ZNF385B: variants seen among roughly 807,000 people sequenced by gnomAD.
The protein encoded by ZNF385B is zinc finger protein 385B.
ZNF385B carries 23 observed loss-of-function variants against 39.2 expected under a neutral mutation model. The observed-to-expected ratio is 0.59, with a 90% CI of 0.42 to 0.83. The LOEUF is 0.83. Among genes scored for constraint, ZNF385B ranks in the 40% least tolerant of loss-of-function variants. The pLI, the probability that ZNF385B is intolerant of heterozygous loss-of-function variation, is 0.00. For missense variants in ZNF385B, 552 were observed against 598.9 expected (o/e 0.92, Z 0.82); for synonymous variants, 205 against 222.6 (o/e 0.92, Z 0.70).
chr2:179,643,387 G>A (rs1692440060), intron 3 of ZNF385B, among the ~76,000 whole-genome samples: 1 of 152,104 alleles, frequency 6.6e-6, no homozygotes, highest in South Asian at 2.1e-4. Context: ...CATTCAAAAT[G>A]CAGACAGACC....
chr2:179,810,525 T>C (rs1482574001), intron 1 of ZNF385B, among the ~76,000 whole-genome samples: 1 of 151,980 alleles, frequency 6.6e-6, no homozygotes, highest in African/African-American at 2.4e-5. Flanking sequence ...AGTTGCCTTA[T>C]AATTTAAAGT....
intron 3 of ZNF385B, among the ~76,000 whole-genome samples, chr2:179,629,325 C>T (rs1201400734): frequency 6.6e-6 from 1 of 152,108 alleles, no homozygotes; most frequent in African/African-American, 2.4e-5. Flanking sequence ...GCAAATGTTG[C>T]CAATTTATTA....
intron 3 of ZNF385B, among the ~76,000 whole-genome samples, chr2:179,557,742 T>C (rs1438685651): frequency 6.6e-6 from 1 of 151,760 alleles, no homozygotes; most frequent in Non-Finnish European, 1.5e-5. Flanking sequence ...ATATTTTAGA[T>C]TCATAGGGTA....
chr2:179,752,236 C>G (rs1340580888), intron 3 of ZNF385B, among the ~76,000 whole-genome samples: 2 of 152,194 alleles, frequency 1.3e-5, no homozygotes, highest in East Asian at 1.9e-4. Flanking sequence ...TTTCCAGCTT[C>G]ATCCATGTCC....
At chr2:179,757,419 T>C (rs1426794358) in intron 3 of ZNF385B, among the ~76,000 whole-genome samples, 1 of 152,190 alleles carries the variant, frequency 6.6e-6, no homozygotes, top group Non-Finnish European at 1.5e-5. Context: ...AGGGACCCAC[T>C]TGAGGAGGCA....
At chr2:179,671,006 T>C (rs1279458555) in intron 3 of ZNF385B, among the ~76,000 whole-genome samples, 1 of 152,226 alleles carries the variant, frequency 6.6e-6, no homozygotes, top group Non-Finnish European at 1.5e-5. Context: ...GGCACCCACC[T>C]CACAGAATTG....
At position 179,445,561 on chromosome 2, in the gene ZNF385B, G is replaced by A; in HGVS notation, c.1129C>T (p.Gln377Ter). ...ICDVHVNSEI[Q>*]LKQHISSRRH... ...TCAGGATACGTTACCTGTTTGAGTT[G>A]AATTTCTGAATTAACATGAACATCA... The change falls in exon 8 of 10, where the codon CAA becomes TAA. Residue 377 changes from glutamine to a stop codon, truncating the protein, a stop_gained. Coordinates refer to ENST00000410066, the MANE Select transcript of ZNF385B (RefSeq NM_152520.6). LOFTEE classifies it high-confidence loss of function. 6.2e-7 allele frequency: 1 copy of A among 1,610,976 alleles called. No individual in the cohort carries two copies. The highest frequency in any genetic ancestry group is 8.5e-7 in the Non-Finnish European group (1 of 1,178,890).
At chr2:179,608,111 A>G (rs530180748) in intron 3 of ZNF385B, among the ~76,000 whole-genome samples, 7 of 151,798 alleles carry the variant, frequency 4.6e-5, no homozygotes, top group Non-Finnish European at 1.0e-4. Context: ...ATGGGGTTTC[A>G]CCACATTGGC....
intron 3 of ZNF385B, among the ~76,000 whole-genome samples, chr2:179,554,892 T>C (rs561739024): frequency 8.7e-5 from 13 of 149,516 alleles, no homozygotes; most frequent in Middle Eastern, 3.4e-3. Flanking sequence ...ACTAGAACTC[T>C]ATATTAAAGT....
intron 3 of ZNF385B, among the ~76,000 whole-genome samples, chr2:179,573,552 TATTA>T (rs2106005079): frequency 6.6e-6 from 1 of 152,300 alleles, no homozygotes; most frequent in Non-Finnish European, 1.5e-5. Context: ...TTGTTTTATT[TATTA>T]GTTATGTCAT....
At chr2:179,742,957 C>G (rs1702166171) in intron 3 of ZNF385B, among the ~76,000 whole-genome samples, 1 of 152,024 alleles carries the variant, frequency 6.6e-6, no homozygotes, top group Non-Finnish European at 1.5e-5. Flanking sequence ...CCTACTACTT[C>G]TGAAGGAGAA....
chr2:179,521,134 G>A (rs1459732902), intron 4 of ZNF385B, among the ~76,000 whole-genome samples: 5 of 151,914 alleles, frequency 3.3e-5, no homozygotes, highest in Non-Finnish European at 5.9e-5. Context: ...ATTGTTAGCT[G>A]CCTACATAAT....
intron 3 of ZNF385B, among the ~76,000 whole-genome samples, chr2:179,636,079 G>A (rs985860819): frequency 6.6e-6 from 1 of 152,096 alleles, no homozygotes; most frequent in Non-Finnish European, 1.5e-5. Flanking sequence ...TTTTTGATAG[G>A]TGAGAACTTA....
chr2:179,512,603 C>G (rs2057764832), intron 5 of ZNF385B, among the ~76,000 whole-genome samples: 1 of 152,116 alleles, frequency 6.6e-6, no homozygotes, highest in Admixed American at 6.5e-5. Context: ...CAATTTATGA[C>G]CATACTGCAG....
intron 3 of ZNF385B, among the ~76,000 whole-genome samples, chr2:179,737,796 TA>T (rs1249525414): frequency 1.1e-4 from 17 of 152,214 alleles, no homozygotes; most frequent in Admixed American, 1.1e-3. Flanking sequence ...GTTTTACAGA[TA>T]AGGAAACCGA....
At chr2:179,619,291 C>A (rs1259488170) in intron 3 of ZNF385B, among the ~76,000 whole-genome samples, 1 of 152,196 alleles carries the variant, frequency 6.6e-6, no homozygotes, top group East Asian at 1.9e-4. Flanking sequence ...GAACTTAAGT[C>A]TTCCAAGAGA....
intron 3 of ZNF385B, among the ~76,000 whole-genome samples, chr2:179,691,273 C>T (rs1698332715): frequency 6.6e-6 from 1 of 152,194 alleles, no homozygotes; most frequent in East Asian, 1.9e-4. Context: ...AAAATCTATC[C>T]TTTGTATCAT....
intron 3 of ZNF385B, among the ~76,000 whole-genome samples, chr2:179,761,299 T>C (rs769175838): frequency 2.6e-5 from 4 of 152,204 alleles, no homozygotes; most frequent in Non-Finnish European, 4.4e-5. Context: ...GGGATTTTGA[T>C]AGAAATTGCA....
chr2:179,654,864 C>T (rs544353365), intron 3 of ZNF385B, among the ~76,000 whole-genome samples: 2 of 152,236 alleles, frequency 1.3e-5, no homozygotes, highest in East Asian at 1.9e-4. Context: ...ATTTAGTATG[C>T]GTGTATTCTT....
Sources: gnomAD v4.1 joint callset for allele counts (sites outside exome capture counted in the v4.1 genomes callset) on GRCh38, gnomAD v4.1.1 for gene constraint, MANE v1.5 for transcripts, NCBI Gene and HGNC (gene_info 2026-07-23, HGNC 2026-07-21) for gene names.